ABI3BP: variants seen among roughly 807,000 people sequenced by gnomAD.
ABI3BP encodes target of Nesh-SH3.
Under a neutral mutation model 268.6 loss-of-function variants are expected in ABI3BP, and 216 were observed. The observed-to-expected ratio is 0.80, with a 90% CI of 0.72 to 0.90. The LOEUF is 0.90. ABI3BP is among the 40% of genes least tolerant of loss of function. The pLI is 0.00. For synonymous variants in ABI3BP, 730 were observed against 730.0 expected, an observed-to-expected ratio of 1.00 and a Z score of 0.00; for missense variants, 2,090 against 2,182.4, an observed-to-expected ratio of 0.96 and a Z score of 0.84.
At chr3:100,819,918 A>C (rs534967672) in intron 40 of ABI3BP, among the ~76,000 whole-genome samples, 1 of 146,626 alleles carries the variant, frequency 6.8e-6, no homozygotes, top group African/African-American at 2.6e-5. Context: ...ACTGCACTCC[A>C]GCCGGGGCAA....
intron 1 of ABI3BP, among the ~76,000 whole-genome samples, chr3:100,961,151 G>C (rs2078960978): frequency 6.6e-6 from 1 of 152,220 alleles, no homozygotes; most frequent in African/African-American, 2.4e-5. Context: ...GTACCAACTA[G>C]GCTAAAGAAA....
chr3:100,868,165 T>TA (rs1243083824), intron 9 of ABI3BP, among the ~76,000 whole-genome samples: 1 of 152,212 alleles, frequency 6.6e-6, no homozygotes, highest in Non-Finnish European at 1.5e-5. Context: ...TTCAGAGTCC[T>TA]AAGGCTATAC....
Position 100,822,642 on chromosome 3 carries a change from G to C in ABI3BP, c.2834C>G (p.Pro945Arg), listed in dbSNP as rs1206955278. ...ASKTSQRTRR[P>R]RLRTKTTPRP... The stretch of plus-strand genomic sequence containing the variant: ...TGGTGTGGTTTTTGTTCTGAGACGT[G>C]GACGACGTGTCCGTTGTGATGTTTT... Residue 945 changes from proline (P) to arginine (R), a missense_variant, in exon 38 of 68, where the codon CCA becomes CGA. Pro to Arg is a moderately radical substitution (Grantham distance 103). Transcript: ENST00000471714. 1 of 1,536,538 alleles carries C rather than the reference G, an allele frequency of 6.5e-7. No individual in the cohort carries two copies.
At chr3:100,915,465 C>T (rs1435059521) in intron 2 of ABI3BP, among the ~76,000 whole-genome samples, 1 of 152,144 alleles carries the variant, frequency 6.6e-6, no homozygotes, top group African/African-American at 2.4e-5. Context: ...ACCCAAGTCC[C>T]TGCTGGAGGT....
At chr3:100,774,434 A>T (rs551331501) in intron 61 of ABI3BP, among the ~76,000 whole-genome samples, 171 bp downstream of exon 61, 1 of 152,164 alleles carries the variant, frequency 6.6e-6, no homozygotes, top group African/African-American at 2.4e-5. Context: ...TAAGCTAAAC[A>T]TATCCTAGAT....
rs764117464 is a variant in ABI3BP at position 100,750,472 on chromosome 3, C to CA, written c.*22dup. 1.9e-6 allele frequency: 3 copies of CA among 1,557,570 alleles called. No homozygotes were observed. The highest frequency in any genetic ancestry group is 2.6e-6 in the Non-Finnish European group (3 of 1,132,908). On this transcript the variant is annotated 3_prime_UTR_variant, in exon 68 of 68. Transcript: ENST00000471714. Reference sequence around the variant, plus strand: ...ATGATTTTTGTTTGCAATGATGAAACAGAAGGTAACTTTGTGCAGCATCTA... The same window carrying CA: ...ATGATTTTTGTTTGCAATGATGAAACAAGAAGGTAACTTTGTGCAGCATCTA...
intron 6 of ABI3BP, 33 bp downstream of exon 6, chr3:100,885,503 T>A (rs1418620118): frequency 2.9e-6 from 4 of 1,378,672 alleles, no homozygotes; most frequent in South Asian, 1.5e-5. Context: ...TACAATTTTT[T>A]AAAAACATTC....
chr3:100,885,603 G>A lies in ABI3BP; in HGVS notation c.644-15C>T. On this transcript the variant is annotated splice_polypyrimidine_tract_variant and intron_variant, in intron 5 of 67. Coordinates refer to ENST00000471714, the MANE Select transcript of ABI3BP (RefSeq NM_001375547.2). The stretch of plus-strand genomic sequence containing the variant: ...TACTTTTTTACCTGATGAAACAAGG[G>A]AAAAATAACATTATTTTTATTCTCC... 6.7e-7 allele frequency: 1 copy of A among 1,496,946 alleles called. No homozygotes were observed. Among genetic ancestry groups the A allele is most frequent in the South Asian group, 1.2e-5 (1 of 80,924 alleles). 92.7% of individuals were successfully genotyped at this position (1,496,946 alleles called of 1,614,324 possible). A position where few individuals can be genotyped will look rare whatever the true frequency, so the allele number is the denominator to read the frequency against.
rs2095221239 is a variant in ABI3BP, at chr3:100,749,734, TATG to T, written c.*758_*760del. The T allele has an allele frequency of 2.5e-6, 1 of 398,454 alleles. No homozygotes were observed. Among genetic ancestry groups the T allele is most frequent in the Non-Finnish European group, 4.4e-6 (1 of 225,756 alleles). The allele number at this position is 398,454 out of a possible 1,614,324, so 24.7% of individuals were successfully genotyped here. A position where few individuals can be genotyped will look rare whatever the true frequency, so the allele number is the denominator to read the frequency against. On this transcript the variant is annotated 3_prime_UTR_variant, in exon 68 of 68. Transcript: ENST00000471714. ...AGCTTGATTAGAATCATAAAAACAA[TATG>T]AAGACGATTGCATAAAGGGATAGTT...
intron 63 of ABI3BP, among the ~76,000 whole-genome samples, chr3:100,756,437 C>A (rs993221206): frequency 2.0e-5 from 3 of 152,138 alleles, no homozygotes; most frequent in Admixed American, 6.5e-5. Context: ...ATTGTTGATA[C>A]AAAAACACCT....
At chr3:100,811,882 A>C in intron 46 of ABI3BP, 83 bp from the exon 47 acceptor site, 1 of 990,356 alleles carries the variant, frequency 1.0e-6, no homozygotes, top group South Asian at 1.4e-5. Flanking sequence ...ATTTAAAAAT[A>C]GAATTGAGCT....
intron 63 of ABI3BP, among the ~76,000 whole-genome samples, chr3:100,764,281 A>G: frequency 6.6e-6 from 1 of 152,172 alleles, no homozygotes; most frequent in East Asian, 1.9e-4. Flanking sequence ...GGGATCCCAT[A>G]GCACCTTGGG....
chr3:100,988,488 C>G (rs984036399), intron 1 of ABI3BP, among the ~76,000 whole-genome samples: 1 of 152,122 alleles, frequency 6.6e-6, no homozygotes, highest in African/African-American at 2.4e-5. Flanking sequence ...CAGCAGCTAC[C>G]TTTGTTGAGA....
chr3:100,852,590 C>T (rs2098863743), intron 14 of ABI3BP, among the ~76,000 whole-genome samples: 1 of 152,138 alleles, frequency 6.6e-6, no homozygotes, highest in African/African-American at 2.4e-5. Context: ...CTGAAATTGT[C>T]CCATCCAGTG....
chr3:100,761,412 G>C (rs112183351), intron 63 of ABI3BP, among the ~76,000 whole-genome samples: 1,550 of 152,174 alleles, frequency 0.01, 26 homozygotes, highest in African/African-American at 0.036. Flanking sequence ...AGGCTGGGGA[G>C]GCCCCTTAAG....
At chr3:100,754,543 C>G (rs912977316) in intron 64 of ABI3BP, 69 bp downstream of exon 64, 7 of 1,445,054 alleles carry the variant, frequency 4.8e-6, no homozygotes, top group Non-Finnish European at 5.7e-6. Context: ...AAACAAACTT[C>G]CTACGCAAAA....
intron 59 of ABI3BP, among the ~76,000 whole-genome samples, chr3:100,777,270 C>T (rs768026711): frequency 2.6e-5 from 4 of 152,120 alleles, no homozygotes; most frequent in Non-Finnish European, 5.9e-5. Flanking sequence ...CAAAATATTT[C>T]GGAAGTAGTG....
rs1430219504 is a variant in ABI3BP at position 100,874,911 on chromosome 3, A to T, written c.840T>A (p.Leu280=). ...VILVHLIIPG[L]NETTVKLPAS... Reference sequence around the variant, plus strand: ...CAGGAAGTTTTACAGTAGTTTCATTAAGACCTGGAATAATAAGGTGGACTG... The same window carrying T: ...CAGGAAGTTTTACAGTAGTTTCATTTAGACCTGGAATAATAAGGTGGACTG... The change falls in exon 9 of 68, where the codon CTT becomes CTA. Residue 280 remains leucine, a synonymous_variant. Coordinates refer to ENST00000471714, the MANE Select transcript of ABI3BP (RefSeq NM_001375547.2). 1.2e-5 allele frequency: 19 copies of T among 1,595,860 alleles called. No individual in the cohort carries two copies. The highest frequency in any genetic ancestry group is 8.0e-5 in the African/African-American group (6 of 74,758).
chr3:100,872,304 A>G (rs2099117667), intron 9 of ABI3BP, among the ~76,000 whole-genome samples: 1 of 152,250 alleles, frequency 6.6e-6, no homozygotes, highest in Non-Finnish European at 1.5e-5. Flanking sequence ...ATATCAGAAG[A>G]ACAAAAGTAA....
Sources: gnomAD v4.1 joint callset for allele counts (sites outside exome capture counted in the v4.1 genomes callset) on GRCh38, gnomAD v4.1.1 for gene constraint, MANE v1.5 for transcripts, NCBI Gene and HGNC (gene_info 2026-07-23, HGNC 2026-07-21) for gene names.